The following MAGI2 variants were observed in gnomAD, a reference collection of about 807,000 sequenced individuals.
MAGI2 encodes the protein membrane-associated guanylate kinase, WW and PDZ domain-containing protein 2.
MAGI2 carries 35 observed loss-of-function variants against 133.3 expected under a neutral mutation model. The ratio of observed to expected loss-of-function variants is 0.26; its 90% CI spans 0.20 to 0.35. MAGI2 has a LOEUF of 0.35. Ranked by LOEUF, MAGI2 falls within the 10% of genes least tolerant of loss-of-function variation. The pLI is 1.00. For missense variants in MAGI2, 1,636 were observed against 1,863.4 expected (o/e 0.88, Z 2.25); for synonymous variants, 729 against 710.6 (o/e 1.03, Z -0.41).
chr7:78,217,936 C>T (rs1478391549), intron 10 of MAGI2, among the ~76,000 whole-genome samples: 2 of 152,048 alleles, frequency 1.3e-5, no homozygotes, highest in Non-Finnish European at 2.9e-5. Flanking sequence ...TGTGTATTTA[C>T]TTAGATGCAT....
chr7:78,070,154 CATATATAT>C (rs1179305494), intron 21 of MAGI2, among the ~76,000 whole-genome samples: 8 of 118,372 alleles, frequency 6.8e-5, no homozygotes, highest in African/African-American at 1.7e-4. Context: ...TATATACACA[CATATATAT>C]ACACACACAC....
intron 10 of MAGI2, among the ~76,000 whole-genome samples, chr7:78,215,987 T>C (rs1788235498): frequency 6.6e-6 from 1 of 152,200 alleles, no homozygotes; most frequent in Non-Finnish European, 1.5e-5. Flanking sequence ...TGCTAATCTC[T>C]TTCCCACTGA....
chr7:79,387,748 T>C (rs1287371342), intron 1 of MAGI2, among the ~76,000 whole-genome samples: 1 of 152,044 alleles, frequency 6.6e-6, no homozygotes, highest in Non-Finnish European at 1.5e-5. Flanking sequence ...GAACAATATA[T>C]TCTAATTTCA....
chr7:78,172,616 C>T (rs1826221068), intron 14 of MAGI2, among the ~76,000 whole-genome samples: 1 of 152,176 alleles, frequency 6.6e-6, no homozygotes. Flanking sequence ...GAGCAGGAGT[C>T]CTGCTGTTCA....
chr7:78,489,174 A>C (rs570100001), intron 6 of MAGI2, among the ~76,000 whole-genome samples: 1 of 152,072 alleles, frequency 6.6e-6, no homozygotes, highest in Non-Finnish European at 1.5e-5. Context: ...CTAGTCCTCA[A>C]AATTATTTTT....
intron 2 of MAGI2, among the ~76,000 whole-genome samples, chr7:78,826,706 G>GT (rs1790685258): frequency 1.3e-5 from 2 of 152,158 alleles, no homozygotes; most frequent in Admixed American, 6.5e-5. Flanking sequence ...AATGTAGAAT[G>GT]TGACAAAACA....
intron 2 of MAGI2, among the ~76,000 whole-genome samples, chr7:78,697,783 T>C (rs1278190438): frequency 6.6e-6 from 1 of 152,174 alleles, no homozygotes; most frequent in Non-Finnish European, 1.5e-5. Flanking sequence ...ATACTATTTC[T>C]CTCCCTTTTT....
At chr7:78,294,083 A>AT (rs1554330877) in intron 9 of MAGI2, among the ~76,000 whole-genome samples, 109 of 152,110 alleles carry the variant, frequency 7.2e-4, no homozygotes, top group Middle Eastern at 3.4e-3. Flanking sequence ...ATAATAAAAA[A>AT]ATATATATAA....
intron 2 of MAGI2, among the ~76,000 whole-genome samples, chr7:78,972,431 A>G (rs1275703227): frequency 2.0e-5 from 3 of 151,864 alleles, no homozygotes; most frequent in South Asian, 2.1e-4. Context: ...TTTTTAGAAA[A>G]AATTGATGGC....
At chr7:78,629,045 G>A (rs1004758293) in intron 2 of MAGI2, among the ~76,000 whole-genome samples, 2 of 152,032 alleles carry the variant, frequency 1.3e-5, no homozygotes, top group African/African-American at 2.4e-5. Context: ...CACCACGTGA[G>A]CACCAGGATC....
At chr7:78,719,942 T>C (rs1159287483) in intron 2 of MAGI2, among the ~76,000 whole-genome samples, 2 of 152,204 alleles carry the variant, frequency 1.3e-5, no homozygotes, top group African/African-American at 2.4e-5. Context: ...TTATCATCTA[T>C]AATTTTAGTT....
At chr7:78,402,177 T>C (rs1796932424) in intron 6 of MAGI2, among the ~76,000 whole-genome samples, 3 of 152,070 alleles carry the variant, frequency 2.0e-5, no homozygotes, top group Admixed American at 2.0e-4. Flanking sequence ...CCTAGGCATA[T>C]GTGTGTGTGC....
intron 2 of MAGI2, among the ~76,000 whole-genome samples, chr7:78,684,053 T>C (rs1197954165): frequency 9.2e-5 from 14 of 152,184 alleles, no homozygotes; most frequent in Admixed American, 9.2e-4. Context: ...GTTGTTTTCA[T>C]AGCCTTCATG....
chr7:78,735,687 A>G (rs1188562271), intron 2 of MAGI2, among the ~76,000 whole-genome samples: 1 of 152,224 alleles, frequency 6.6e-6, no homozygotes, highest in African/African-American at 2.4e-5. Flanking sequence ...AAATAAACCT[A>G]AATGAGTTCT....
chr7:78,502,709 G>A (rs1477628843), intron 4 of MAGI2, among the ~76,000 whole-genome samples: 1 of 152,070 alleles, frequency 6.6e-6, no homozygotes, highest in African/African-American at 2.4e-5. Context: ...GGGGGTATTG[G>A]AGCACATCCC....
chr7:78,314,602 C>T (rs1221827494), intron 9 of MAGI2, among the ~76,000 whole-genome samples: 1 of 152,110 alleles, frequency 6.6e-6, no homozygotes, highest in Non-Finnish European at 1.5e-5. Context: ...GAGTGTTAAC[C>T]AGGGGCATGT....
At chr7:78,616,654 C>T (rs1807133140) in intron 3 of MAGI2, 2 of 152,118 alleles carry the variant, frequency 1.3e-5, no homozygotes, top group South Asian at 4.1e-4. Context: ...AAGATAAAGA[C>T]AAAATTATCA....
intron 9 of MAGI2, among the ~76,000 whole-genome samples, chr7:78,303,745 C>A (rs910340434): frequency 2.0e-5 from 3 of 152,112 alleles, no homozygotes; most frequent in African/African-American, 4.8e-5. Flanking sequence ...GGGGTTTATT[C>A]TAATTAACAC....
chr7:79,055,531 C>T (rs1382041230), intron 1 of MAGI2, among the ~76,000 whole-genome samples: 1 of 151,760 alleles, frequency 6.6e-6, no homozygotes, highest in Non-Finnish European at 1.5e-5. Context: ...GTGACAAGAG[C>T]AGCCAACTGG....
Sources: allele counts gnomAD v4.1 joint callset (sites outside exome capture counted in the v4.1 genomes callset), GRCh38; gene constraint gnomAD v4.1.1; transcripts MANE v1.5; gene names NCBI Gene and HGNC (gene_info 2026-07-23, HGNC 2026-07-21).